The following LRRC45 variants were observed in gnomAD, a reference collection of about 807,000 sequenced individuals.
LRRC45 encodes the protein leucine-rich repeat-containing protein 45.
LRRC45 carries 73 observed loss-of-function variants against 85.4 expected under a neutral mutation model. That is an observed-to-expected ratio of 0.85 (90% CI 0.71 to 1.04). The LOEUF (loss-of-function observed/expected upper bound fraction) is 1.04. Among genes scored for constraint, LRRC45 ranks in the 50% least tolerant of loss-of-function variants. The pLI is 0.00. For synonymous variants in LRRC45, 429 were observed against 386.0 expected (o/e 1.11, Z -1.31); for missense variants, 937 against 883.3 (o/e 1.06, Z -0.77).
At position 82,031,151 on chromosome 17, in the gene LRRC45, A is replaced by G; in HGVS notation, c.*346A>G. ...ATACAGCGCGTTTGCACTTTGTGAT[A>G]CATTCTGGCCCCGCCTCTCCCTCCA... On this transcript the variant is annotated 3_prime_UTR_variant, in exon 17 of 17. Coordinates refer to ENST00000306688, the MANE Select transcript of LRRC45 (RefSeq NM_144999.4). 3.9e-6 allele frequency: 1 copy of G among 256,478 alleles called. No homozygotes were observed. The highest frequency in any genetic ancestry group is 7.4e-6 in the Non-Finnish European group (1 of 134,910). 15.9% of individuals were successfully genotyped at this position (256,478 alleles called of 1,614,324 possible). A position where few individuals can be genotyped will look rare whatever the true frequency, so the allele number is the denominator to read the frequency against.
chr17:82,030,261 G>GC, intron 15 of LRRC45, 23 bp downstream of exon 15: 2 of 1,534,844 alleles, frequency 1.3e-6, no homozygotes, highest in Non-Finnish European at 8.8e-7. Flanking sequence ...CCGGTGGGGG[G>GC]CCCCGGGCGT....
At position 82,030,127 on chromosome 17, in the gene LRRC45, G is replaced by A. The variant is rs372994313; in HGVS notation, c.1557G>A (p.Ala519=). 1.0e-5 allele frequency: 16 copies of A among 1,547,724 alleles called. No homozygotes were observed. Among genetic ancestry groups the A allele is most frequent in the East Asian group, 4.9e-5 (2 of 41,004 alleles). ...LRLLAQARDE[A]QGACLQQKQV... is the part of the protein sequence containing the mutation. ...TGCTGGCGCAGGCACGGGACGAGGCGCAGGGCGCTTGCCTACAGCAGAAGC... is the reference window on the plus strand; with the variant it reads ...TGCTGGCGCAGGCACGGGACGAGGCACAGGGCGCTTGCCTACAGCAGAAGC... The change falls in exon 15 of 17, where the codon GCG becomes GCA. Residue 519 remains alanine, a synonymous_variant. Coordinates refer to ENST00000306688, the MANE Select transcript of LRRC45 (RefSeq NM_144999.4).
intron 8 of LRRC45, 128 bp downstream of exon 8, chr17:82,027,879 C>A (rs2043382347): frequency 1.3e-6 from 2 of 1,509,094 alleles, no homozygotes; most frequent in African/African-American, 2.8e-5. Context: ...GGCAGTAACC[C>A]AGAAGCCTTC....
intron 12 of LRRC45, 158 bp from the exon 13 acceptor site, chr17:82,028,935 A>C: frequency 1.4e-6 from 1 of 734,188 alleles, no homozygotes; most frequent in Non-Finnish European, 2.3e-6. Flanking sequence ...CAGGGTGTGC[A>C]TGCTGCGGTA....
Position 82,030,907 on chromosome 17 carries a change from C to T in LRRC45, c.*102C>T, listed in dbSNP as rs2043415632. On this transcript the variant is annotated 3_prime_UTR_variant, in exon 17 of 17. Coordinates refer to ENST00000306688, the MANE Select transcript of LRRC45 (RefSeq NM_144999.4). ...CGCGCCGCCTCTTTGAGACCCGGGTCGTCTGTTCCACGCGGCGGTTGCGGC... is the reference window on the plus strand; with the variant it reads ...CGCGCCGCCTCTTTGAGACCCGGGTTGTCTGTTCCACGCGGCGGTTGCGGC... 2 of 912,450 alleles carry T rather than the reference C, an allele frequency of 2.2e-6. No individual in the cohort carries two copies. The highest frequency in any genetic ancestry group is 1.0e-4 in the South Asian group (2 of 19,676). The allele number at this position is 912,450 out of a possible 1,614,324, so 56.5% of individuals were successfully genotyped here. A position where few individuals can be genotyped will look rare whatever the true frequency, so the allele number is the denominator to read the frequency against.
In LRRC45 at chr17:82,023,870, A is replaced by G; in HGVS notation, c.220+7A>G. ...TGCATGCTCAGCGAGGAAGGTGGGCAGGCGCGGCGGGGTGGATCCCTCTGC... is the reference window on the plus strand; with the variant it reads ...TGCATGCTCAGCGAGGAAGGTGGGCGGGCGCGGCGGGGTGGATCCCTCTGC... On this transcript the variant is annotated splice_region_variant and intron_variant, in intron 1 of 16. Coordinates refer to ENST00000306688, the MANE Select transcript of LRRC45 (RefSeq NM_144999.4). The G allele has an allele frequency of 6.4e-7, 1 of 1,551,292 alleles. No individual in the cohort carries two copies.
intron 12 of LRRC45, 72 bp downstream of exon 12, chr17:82,028,755 A>C: frequency 2.0e-6 from 3 of 1,481,728 alleles, no homozygotes; most frequent in South Asian, 1.2e-5. Flanking sequence ...CCCAAAGCAC[A>C]CACCTGGTGG....
rs7212595 is a variant in LRRC45 at position 82,024,015 on chromosome 17, G to A, written c.220+152G>A. On this transcript the variant is annotated intron_variant, in intron 1 of 16. Transcript: ENST00000306688. ...CCCCTTCCTGCACCTGGGAGTAGAG[G>A]GCAGTTCCTCTGTATGACGGGGGAG... is the stretch of plus-strand genomic sequence containing the variant. The A allele has an allele frequency of 9.5e-3, 7,211 of 755,956 alleles. 393 individuals carry two copies. In the African/African-American group the frequency reaches 0.11, roughly 12 times the overall value. 46.8% of individuals were successfully genotyped at this position (755,956 alleles called of 1,614,324 possible).
intron 2 of LRRC45, 30 bp from the exon 3 acceptor site, chr17:82,024,663 C>T (rs57496920): frequency 1.9e-5 from 29 of 1,560,556 alleles, no homozygotes; most frequent in East Asian, 2.3e-5. Flanking sequence ...TCAGGGCACG[C>T]GAGTGACTAC....
At position 82,025,473 on chromosome 17, in the gene LRRC45, G is replaced by A; in HGVS notation, c.627G>A (p.Gly209=). The change falls in exon 5 of 17, where the codon GGG becomes GGA. Residue 209 remains glycine, a synonymous_variant. Transcript: ENST00000306688. ...NRTLWRLDLA[G]NNIPGDVLRA... is the part of the protein sequence containing the mutation. ...CCCTGTGGAGACTGGACCTGGCTGG[G>A]AACAACATCCCTGGAGACGTCCTCA... The A allele has an allele frequency of 6.2e-7, 1 of 1,609,512 alleles. No homozygotes were observed. The highest frequency in any genetic ancestry group is 1.1e-5 in the South Asian group (1 of 90,030).
intron 7 of LRRC45, 91 bp from the exon 8 acceptor site, chr17:82,027,583 C>G: frequency 6.5e-7 from 1 of 1,540,640 alleles, no homozygotes; most frequent in South Asian, 1.1e-5. Flanking sequence ...ACCATAGATG[C>G]TTAAGGAACA....
intron 14 of LRRC45, 125 bp from the exon 15 acceptor site, chr17:82,029,940 G>C (rs529534432): frequency 1.6e-6 from 2 of 1,256,266 alleles, no homozygotes; most frequent in Non-Finnish European, 2.1e-6. Flanking sequence ...AGGGGAGCGG[G>C]TTCAGAGTCA....
rs2043331534 is a variant in LRRC45, at chr17:82,023,459, C to G, written c.-185C>G. ...TGCGGGGCCCCAGCCCAAAGCGGAC[C>G]TTGACTACCGCCCAGCCCCGCGCTC... On this transcript the variant is annotated 5_prime_UTR_variant, in exon 1 of 17. Transcript: ENST00000306688. 2 of 582,682 alleles carry G rather than the reference C, an allele frequency of 3.4e-6. No individual in the cohort carries two copies. Among genetic ancestry groups the G allele is most frequent in the Non-Finnish European group, 5.9e-6 (2 of 337,766 alleles). 36.1% of individuals were successfully genotyped at this position (582,682 alleles called of 1,614,324 possible).
chr17:82,025,530 G>A (rs748707634), intron 5 of LRRC45, 23 bp downstream of exon 5: 1 of 1,537,106 alleles, frequency 6.5e-7, no homozygotes, highest in African/African-American at 1.4e-5. Flanking sequence ...GCTGTGTGGA[G>A]TGACGCGTGA....
At chr17:82,027,937 G>T in intron 8 of LRRC45, 74 bp from the exon 9 acceptor site, 2 of 1,544,000 alleles carry the variant, frequency 1.3e-6, no homozygotes, top group Non-Finnish European at 1.7e-6. Context: ...CCCAGCAACA[G>T]TGAAAGCAGC....
At chr17:82,028,919 C>G (rs1289925448) in intron 12 of LRRC45, 174 bp from the exon 13 acceptor site, 1 of 719,528 alleles carries the variant, frequency 1.4e-6, no homozygotes, top group Non-Finnish European at 2.3e-6. Context: ...CCAAGGCCCA[C>G]TCGTTCAGGG....
rs370180334 is a variant in LRRC45, at chr17:82,030,505, G to A, written c.1816+39G>A. 7 of 1,529,320 alleles carry A rather than the reference G, an allele frequency of 4.6e-6. No individual in the cohort carries two copies. The African/African-American group carries it at 6.9e-5, about 15-fold the overall frequency. The allele number at this position is 1,529,320 out of a possible 1,614,324, so 94.7% of individuals were successfully genotyped here. On this transcript the variant is annotated intron_variant, in intron 16 of 16. Transcript: ENST00000306688. Reference sequence around the variant, plus strand: ...TTGTCCTCCCGCCGCCCACTGGTGGGACGTGAGGCCAGCCAGAGAGCGGGG... The same window carrying A: ...TTGTCCTCCCGCCGCCCACTGGTGGAACGTGAGGCCAGCCAGAGAGCGGGG...
rs368338209 is a variant in LRRC45, at chr17:82,028,462, G to A, written c.1191G>A (p.Met397Ile). The stretch of plus-strand genomic sequence containing the variant: ...AGCTGTTCCAGACCAGGCAGGAGAT[G>A]ACCAGCATGTCAGCTGAGCTGAAGA... ...QEQLFQTRQEMTSMSAELKMR... is the reference protein window; with the variant it reads ...QEQLFQTRQEITSMSAELKMR... Residue 397 changes from methionine to isoleucine, a missense_variant, in exon 11 of 17, where the codon ATG (methionine) becomes ATA (isoleucine). By Grantham distance (10) the Met-to-Ile change is conservative. Coordinates refer to ENST00000306688, the MANE Select transcript of LRRC45 (RefSeq NM_144999.4). 1 of 1,612,670 alleles carries A rather than the reference G, an allele frequency of 6.2e-7. No homozygotes were observed. Among genetic ancestry groups the A allele is most frequent in the Non-Finnish European group, 8.5e-7 (1 of 1,179,962 alleles).
chr17:82,027,542 A>G lies in LRRC45; in HGVS notation c.833+98A>G, dbSNP rs774760214. 3.6e-4 allele frequency: 560 copies of G among 1,569,718 alleles called. 1 individual carries two copies. Among genetic ancestry groups the G allele is most frequent in the Non-Finnish European group, 4.5e-4 (510 of 1,142,938 alleles). ...ACCTGAGCCCACGAGTGAGGCCACGAGGAGGTCGCTGGAGGCTCAGTGCCC... is the reference window on the plus strand; with the variant it reads ...ACCTGAGCCCACGAGTGAGGCCACGGGGAGGTCGCTGGAGGCTCAGTGCCC... On this transcript the variant is annotated intron_variant, in intron 7 of 16. Coordinates refer to ENST00000306688, the MANE Select transcript of LRRC45 (RefSeq NM_144999.4).
Sources: gnomAD v4.1 joint callset for allele counts on GRCh38, gnomAD v4.1.1 for gene constraint, MANE v1.5 for transcripts, NCBI Gene and HGNC (gene_info 2026-07-23, HGNC 2026-07-21) for gene names.